The following GALNT13 variants were observed in gnomAD, a reference collection of about 807,000 sequenced individuals.
GALNT13 encodes the protein polypeptide N-acetylgalactosaminyltransferase 13.
In GALNT13, 28 loss-of-function variants were observed where a neutral mutation model predicts 64.2. That is an observed-to-expected ratio of 0.44 (90% CI 0.32 to 0.60). GALNT13 has a LOEUF of 0.60. Among genes scored for constraint, GALNT13 ranks in the 20% least tolerant of loss-of-function variants. GALNT13 has a pLI of 0.05. For synonymous variants in GALNT13, 214 were observed against 224.6 expected (o/e 0.95, Z 0.42); for missense variants, 577 against 669.8 (o/e 0.86, Z 1.53).
At chr2:154,447,639 T>C (rs1189694514) in intron 12 of GALNT13, among the ~76,000 whole-genome samples, 1 of 151,940 alleles carries the variant, frequency 6.6e-6, no homozygotes, top group Non-Finnish European at 1.5e-5. Context: ...AGATTGTTAG[T>C]GGAGGAAACA....
chr2:154,193,775 T>C (rs1686727008), intron 4 of GALNT13, among the ~76,000 whole-genome samples: 1 of 152,212 alleles, frequency 6.6e-6, no homozygotes, highest in Admixed American at 6.5e-5. Context: ...TGGGTTTTAA[T>C]ACCAGCTCCA....
chr2:153,214,013 T>G, the GALNT13 span, among the ~76,000 whole-genome samples: 1 of 152,338 alleles, frequency 6.6e-6, no homozygotes, highest in Non-Finnish European at 1.5e-5. Flanking sequence ...GGAATGTACC[T>G]GTTTTCTAGT....
the GALNT13 span, among the ~76,000 whole-genome samples, chr2:153,745,799 C>A: frequency 6.6e-6 from 1 of 152,120 alleles, no homozygotes; most frequent in African/African-American, 2.4e-5. Context: ...TGGCTCACTG[C>A]AGCCTGGACT....
In GALNT13 at chr2:153,945,488, T is replaced by C. The variant is rs116023296; in HGVS notation, c.142+849T>C. On this transcript the variant is annotated intron_variant, in intron 3 of 12. Coordinates refer to ENST00000392825, the MANE Select transcript of GALNT13 (RefSeq NM_052917.4). Reference sequence around the variant, plus strand: ...GTTTGGCAAAAGTTTTCTGCATAAATATGACAAAAAGCAAGCTTCAATTGA... The same window carrying C: ...GTTTGGCAAAAGTTTTCTGCATAAACATGACAAAAAGCAAGCTTCAATTGA... Among the ~76,000 whole-genome samples the C allele has an allele frequency of 6.0e-3, 907 of 152,276 alleles. 13 individuals are homozygous for C. Among genetic ancestry groups the C allele is most frequent in the African/African-American group, 0.02 (846 of 41,570 alleles).
the GALNT13 span, among the ~76,000 whole-genome samples, chr2:153,254,040 A>T: frequency 6.6e-6 from 1 of 152,192 alleles, no homozygotes; most frequent in Non-Finnish European, 1.5e-5. Flanking sequence ...TTCAGAAGGA[A>T]TGGTACCAGT....
the GALNT13 span, among the ~76,000 whole-genome samples, chr2:153,336,180 G>A: frequency 6.6e-6 from 1 of 152,220 alleles, no homozygotes; most frequent in South Asian, 2.1e-4. Flanking sequence ...CAGTGCAGAA[G>A]GGAAATGTGG....
chr2:154,322,217 T>A (rs954171591), intron 9 of GALNT13, among the ~76,000 whole-genome samples: 1 of 150,938 alleles, frequency 6.6e-6, no homozygotes, highest in African/African-American at 2.4e-5. Flanking sequence ...CATTAAATAT[T>A]TTCATTTAAA....
chr2:154,261,529 T>G (rs1690695661), intron 8 of GALNT13, among the ~76,000 whole-genome samples: 1 of 152,140 alleles, frequency 6.6e-6, no homozygotes, highest in Admixed American at 6.6e-5. Flanking sequence ...CTCTCTTTAA[T>G]TTCATGACTT....
chr2:153,734,806 G>A, the GALNT13 span, among the ~76,000 whole-genome samples: 3 of 152,094 alleles, frequency 2.0e-5, no homozygotes, highest in Admixed American at 1.3e-4. Flanking sequence ...CTAATTCGTA[G>A]TTGAACATCT....
chr2:153,177,901 A>G, the GALNT13 span, among the ~76,000 whole-genome samples: 17 of 152,126 alleles, frequency 1.1e-4, no homozygotes, highest in South Asian at 6.2e-4. Flanking sequence ...TTTGGTAACC[A>G]CCATTCTACT....
chr2:153,879,573 A>G (rs1413117192), intron 1 of GALNT13, among the ~76,000 whole-genome samples: 5 of 150,858 alleles, frequency 3.3e-5, no homozygotes, highest in South Asian at 2.1e-4. Context: ...GAGTCTCACT[A>G]TGTTGCCCAG....
intron 3 of GALNT13, among the ~76,000 whole-genome samples, chr2:153,996,879 C>T (rs986725753): frequency 3.9e-5 from 6 of 152,048 alleles, no homozygotes; most frequent in African/African-American, 1.2e-4. Flanking sequence ...CATTCTTCTA[C>T]GTGTGGATAT....
chr2:153,713,513 T>C, the GALNT13 span, among the ~76,000 whole-genome samples: 5 of 152,116 alleles, frequency 3.3e-5, no homozygotes, highest in Non-Finnish European at 2.9e-5. Flanking sequence ...TGTGTTGGAG[T>C]CTTGCCTGTT....
At chr2:154,268,476 A>G (rs1321115733) in intron 8 of GALNT13, among the ~76,000 whole-genome samples, 3 of 152,142 alleles carry the variant, frequency 2.0e-5, no homozygotes, top group East Asian at 1.9e-4. Flanking sequence ...GTGGTAATGT[A>G]TGTATTCATT....
At chr2:153,966,650 G>T (rs1184276136) in intron 3 of GALNT13, among the ~76,000 whole-genome samples, 2 of 152,004 alleles carry the variant, frequency 1.3e-5, no homozygotes, top group African/African-American at 4.8e-5. Flanking sequence ...TTACAGGCGT[G>T]AGCCACCGCG....
the GALNT13 span, among the ~76,000 whole-genome samples, chr2:153,254,927 G>GA: frequency 2.6e-5 from 4 of 152,076 alleles, no homozygotes; most frequent in Non-Finnish European, 5.9e-5. Context: ...GTGTGGTACT[G>GA]AAAAAAATGT....
chr2:153,630,785 ATATATATATATATATATATATATTT>A, the GALNT13 span, among the ~76,000 whole-genome samples: 2 of 10,416 alleles, frequency 1.9e-4, 1 homozygote, highest in Admixed American at 2.1e-3. Flanking sequence ...ATATATATAT[ATATATATATATATATATATATATTT>A]TTTTTTTTTT....
At position 154,396,499 on chromosome 2, in the gene GALNT13, C is replaced by T. The variant is rs373989617; in HGVS notation, c.1296+369C>T. Among the ~76,000 whole-genome samples, 19 of 151,966 alleles carry T rather than the reference C, an allele frequency of 1.3e-4. 1 individual carries two copies. The highest frequency in any genetic ancestry group is 1.2e-3 in the South Asian group (6 of 4,824). Reference sequence around the variant, plus strand: ...TAAAACCCATTTTTTACTAATTAAACGTTATATAATAAACAATTACATGTT... The same window carrying T: ...TAAAACCCATTTTTTACTAATTAAATGTTATATAATAAACAATTACATGTT... On this transcript the variant is annotated intron_variant, in intron 10 of 12. Coordinates refer to ENST00000392825, the MANE Select transcript of GALNT13 (RefSeq NM_052917.4).
chr2:153,789,274 T>C, the GALNT13 span, among the ~76,000 whole-genome samples: 1 of 151,624 alleles, frequency 6.6e-6, no homozygotes, highest in African/African-American at 2.4e-5. Context: ...AGAATGAAAA[T>C]AAAATCAAGA....
Sources: gnomAD v4.1 joint callset for allele counts (sites outside exome capture counted in the v4.1 genomes callset) on GRCh38, gnomAD v4.1.1 for gene constraint, MANE v1.5 for transcripts, NCBI Gene and HGNC (gene_info 2026-07-23, HGNC 2026-07-21) for gene names.